The following ZNF517 variants were observed in gnomAD, a reference collection of about 807,000 sequenced individuals.
ZNF517 encodes the protein zinc finger protein 517.
In ZNF517, 12 loss-of-function variants were observed where a neutral mutation model predicts 12.1. The ratio of observed to expected loss-of-function variants is 0.99; its 90% CI spans 0.63 to 1.61. The LOEUF (loss-of-function observed/expected upper bound fraction) is 1.61, where lower values mean the gene tolerates loss of function less well. Among genes scored for constraint, ZNF517 ranks in the 40% most tolerant of loss-of-function variants. ZNF517 has a pLI of 0.00. For synonymous variants in ZNF517, 388 were observed against 310.2 expected (o/e 1.25, Z -2.63); for missense variants, 781 against 693.2 (o/e 1.13, Z -1.42).
At chr8:144,813,315 CAAAAA>C (rs55851018), downstream of ZNF517, among the ~76,000 whole-genome samples, 8 of 103,910 alleles carry the variant, frequency 7.7e-5, no homozygotes, top group Admixed American at 2.1e-4. Flanking sequence ...GACTCTGTCT[CAAAAA>C]AAAAAAAAAA....
At chr8:144,799,679 G>A (rs1344381077) in intron 1 of ZNF517, among the ~76,000 whole-genome samples, 2 of 152,190 alleles carry the variant, frequency 1.3e-5, no homozygotes, top group African/African-American at 2.4e-5. Flanking sequence ...AATGGCTCAC[G>A]CCTGTAATCC....
At chr8:144,812,179 C>T (rs1451329482), downstream of ZNF517, among the ~76,000 whole-genome samples, 2 of 147,512 alleles carry the variant, frequency 1.4e-5, no homozygotes, top group African/African-American at 5.1e-5. Flanking sequence ...AAAGCTCAGC[C>T]AGGTGCAGAC....
intron 1 of ZNF517, among the ~76,000 whole-genome samples, chr8:144,799,636 G>T (rs985108070): frequency 6.6e-6 from 1 of 152,202 alleles, no homozygotes; most frequent in Non-Finnish European, 1.5e-5. Flanking sequence ...GGTCAGGGGA[G>T]GCTCTGTAAG....
intron 1 of ZNF517, among the ~76,000 whole-genome samples, chr8:144,801,541 G>A (rs969932468): frequency 3.3e-5 from 5 of 151,896 alleles, no homozygotes; most frequent in Admixed American, 2.0e-4. Context: ...GCGGTGGCGC[G>A]ATCTCAGCTC....
intron 1 of ZNF517, among the ~76,000 whole-genome samples, chr8:144,799,417 G>T (rs1302107598): frequency 6.6e-6 from 1 of 152,208 alleles, no homozygotes; most frequent in Non-Finnish European, 1.5e-5. Context: ...TAGCTGTTGG[G>T]TATTTAACTG....
chr8:144,799,765 C>T (rs1240123375), intron 1 of ZNF517, among the ~76,000 whole-genome samples: 1 of 152,076 alleles, frequency 6.6e-6, no homozygotes, highest in East Asian at 1.9e-4. Context: ...ACGGTGAAAC[C>T]CTGTCTCTAC....
intron 2 of ZNF517, 191 bp from the exon 3 acceptor site, chr8:144,803,448 CCT>C: frequency 1.5e-6 from 1 of 672,880 alleles, no homozygotes; most frequent in Admixed American, 3.2e-5. Context: ...TTTCCCTCTT[CCT>C]CTCTGGGGCT....
intron 4 of ZNF517, 64 bp from the exon 5 acceptor site, chr8:144,807,127 A>G (rs1827261477): frequency 6.7e-7 from 1 of 1,500,518 alleles, no homozygotes; most frequent in Non-Finnish European, 8.9e-7. Context: ...ATGTCTTCAA[A>G]CAAGAAGTTC....
rs751491809 is a variant in ZNF517, at chr8:144,808,004, C to T, written c.1088C>T (p.Ala363Val). The T allele has an allele frequency of 5.1e-6, 8 of 1,566,616 alleles. No homozygotes were observed. Among genetic ancestry groups the T allele is most frequent in the South Asian group, 2.4e-5 (2 of 84,924 alleles). ...CTCGGAGCTGCGCAGAGGCCCCAGG[C>T]GGGGGACCCGCCCCACGAGTGCCCG... Reference protein sequence around the residue: ...ALLGAAQRPQAGDPPHECPVC... With the variant: ...ALLGAAQRPQVGDPPHECPVC... The change falls in exon 5 of 5, where the codon GCG becomes GTG. Residue 363 changes from alanine to valine, a missense_variant. Coordinates refer to ENST00000359971, the MANE Select transcript of ZNF517 (RefSeq NM_213605.3).
At chr8:144,812,884 C>A (rs1194926665), downstream of ZNF517, among the ~76,000 whole-genome samples, 1 of 152,068 alleles carries the variant, frequency 6.6e-6, no homozygotes, top group Non-Finnish European at 1.5e-5. Context: ...TTAGAACAAA[C>A]AAATTCAGTA....
chr8:144,807,108 A>T, intron 4 of ZNF517, 83 bp from the exon 5 acceptor site: 4 of 1,479,552 alleles, frequency 2.7e-6, no homozygotes, highest in Non-Finnish European at 3.6e-6. Context: ...ACTTGGGAAT[A>T]AAAAGGTTAT....
At chr8:144,804,092 C>T (rs939505385) in intron 3 of ZNF517, 33 bp from the exon 4 acceptor site, 1 of 1,603,720 alleles carries the variant, frequency 6.2e-7, no homozygotes, top group Non-Finnish European at 8.5e-7. Context: ...CCCTCCTGTA[C>T]TGATACGTGC....
At chr8:144,800,631 G>C (rs903983629) in intron 1 of ZNF517, 145 of 985,212 alleles carry the variant, frequency 1.5e-4, no homozygotes, top group Non-Finnish European at 1.6e-4. Context: ...GACTGCCCTG[G>C]ACAGACAGTG....
At chr8:144,804,096 T>A in intron 3 of ZNF517, 29 bp from the exon 4 acceptor site, 1 of 1,607,300 alleles carries the variant, frequency 6.2e-7, no homozygotes, top group South Asian at 1.1e-5. Context: ...CCTGTACTGA[T>A]ACGTGCTGCT....
At chr8:144,805,676 C>T (rs1249595876) in intron 4 of ZNF517, among the ~76,000 whole-genome samples, 4 of 145,160 alleles carry the variant, frequency 2.8e-5, no homozygotes, top group Admixed American at 7.1e-5. Context: ...CCCAGGCTGG[C>T]GCGTTCTCGG....
chr8:144,803,082 G>C, intron 2 of ZNF517, 135 bp downstream of exon 2: 1 of 1,158,706 alleles, frequency 8.6e-7, no homozygotes, highest in Non-Finnish European at 1.2e-6. Context: ...GCCGAGGACA[G>C]CCTCCTCGCT....
intron 1 of ZNF517, among the ~76,000 whole-genome samples, chr8:144,800,056 C>G (rs1305179579): frequency 4.6e-5 from 7 of 152,172 alleles, no homozygotes; most frequent in African/African-American, 1.7e-4. Context: ...AGAAGGCTGG[C>G]ATGGCTGCGG....
At chr8:144,801,220 T>G (rs1054491670) in intron 1 of ZNF517, among the ~76,000 whole-genome samples, 11 of 152,182 alleles carry the variant, frequency 7.2e-5, no homozygotes, top group Non-Finnish European at 1.5e-4. Context: ...TCTACAGAAA[T>G]GGATAGCCCC....
In ZNF517 at chr8:144,807,430, G is replaced by A; in HGVS notation, c.514G>A (p.Gly172Arg). ...VLQEDLGRPV[G>R]SSAPRYRCVC... ...GCAGGAAGACCTGGGCCGGCCTGTGGGGAGCTCAGCCCCCCGCTACAGGTG... is the reference window on the plus strand; with the variant it reads ...GCAGGAAGACCTGGGCCGGCCTGTGAGGAGCTCAGCCCCCCGCTACAGGTG... The change falls in exon 5 of 5, where the codon GGG becomes AGG. Residue 172 changes from glycine to arginine, a missense_variant. Coordinates refer to ENST00000359971, the MANE Select transcript of ZNF517 (RefSeq NM_213605.3). The A allele has an allele frequency of 1.3e-6, 2 of 1,570,750 alleles. No individual in the cohort carries two copies. Among genetic ancestry groups the A allele is most frequent in the East Asian group, 2.4e-5 (1 of 41,874 alleles).
Sources: gnomAD v4.1 joint callset for allele counts (sites outside exome capture counted in the v4.1 genomes callset) on GRCh38, gnomAD v4.1.1 for gene constraint, MANE v1.5 for transcripts, NCBI Gene and HGNC (gene_info 2026-07-23, HGNC 2026-07-21) for gene names.